The following VWA8 variants were observed in gnomAD, a reference collection of about 807,000 sequenced individuals.
VWA8 encodes the protein von Willebrand factor A domain-containing protein 8.
Under a neutral mutation model 241.5 loss-of-function variants are expected in VWA8, and 221 were observed. The observed-to-expected ratio is 0.91, with a 90% CI of 0.82 to 1.02. The LOEUF (loss-of-function observed/expected upper bound fraction) is 1.02. Ranked by LOEUF, VWA8 falls within the 50% of genes least tolerant of loss-of-function variation. VWA8 has a pLI of 0.00. For synonymous variants in VWA8, 852 were observed against 827.1 expected (o/e 1.03, Z -0.52); for missense variants, 2,322 against 2,328.7 (o/e 1.00, Z 0.06).
chr13:41,616,366 T>G (rs1431647177), intron 37 of VWA8, among the ~76,000 whole-genome samples: 1 of 152,058 alleles, frequency 6.6e-6, no homozygotes, highest in Non-Finnish European at 1.5e-5. Flanking sequence ...TTCAGCATAC[T>G]CCAAGAAAAT....
intron 17 of VWA8, among the ~76,000 whole-genome samples, chr13:41,800,106 G>T (rs1432078385): frequency 6.6e-6 from 1 of 152,146 alleles, no homozygotes; most frequent in Non-Finnish European, 1.5e-5. Context: ...GTTATAACAT[G>T]TATCAATACT....
At chr13:41,888,285 TG>T (rs1214495910) in intron 5 of VWA8, among the ~76,000 whole-genome samples, 17 of 152,348 alleles carry the variant, frequency 1.1e-4, no homozygotes, top group Non-Finnish European at 1.0e-4. Flanking sequence ...TTTGTGTGAA[TG>T]CACATTTGTA....
At chr13:41,575,499 G>C (rs1385972518) in intron 43 of VWA8, among the ~76,000 whole-genome samples, 1 of 152,084 alleles carries the variant, frequency 6.6e-6, no homozygotes, top group Non-Finnish European at 1.5e-5. Flanking sequence ...AGGGGGCCCA[G>C]GTTGTAGAAT....
chr13:41,619,861 A>G (rs1239244385), intron 37 of VWA8, among the ~76,000 whole-genome samples: 3 of 152,066 alleles, frequency 2.0e-5, no homozygotes, highest in African/African-American at 7.2e-5. Context: ...ATGCTGCTGG[A>G]TTCAGTTTGC....
chr13:41,618,745 T>G (rs375814461), intron 37 of VWA8, among the ~76,000 whole-genome samples: 1 of 152,202 alleles, frequency 6.6e-6, no homozygotes, highest in African/African-American at 2.4e-5. Context: ...TTTCCCCATT[T>G]CTTGTTTTTG....
intron 18 of VWA8, 58 bp from the exon 19 acceptor site, chr13:41,783,959 G>C: frequency 7.7e-7 from 1 of 1,293,588 alleles, no homozygotes; most frequent in Non-Finnish European, 1.1e-6. Flanking sequence ...GAGATGCCAA[G>C]CCACCCAACA....
In VWA8 at chr13:41,862,471, T is replaced by C. The variant is rs187314284; in HGVS notation, c.1425+3265A>G. On this transcript the variant is annotated intron_variant, in intron 12 of 44. Transcript: ENST00000379310. Reference sequence around the variant, plus strand: ...AGACCTAATTAAACCAAAAAGCTTCTGTACAGCAAAAGGAGCTATCAGCAA... The same window carrying C: ...AGACCTAATTAAACCAAAAAGCTTCCGTACAGCAAAAGGAGCTATCAGCAA... Among the ~76,000 whole-genome samples the C allele has an allele frequency of 1.9e-4, 29 of 152,250 alleles. No individual in the cohort carries two copies. The East Asian group carries it at 5.2e-3, about 27-fold the overall frequency.
intron 34 of VWA8, among the ~76,000 whole-genome samples, chr13:41,688,610 CT>C (rs2045153043): frequency 6.6e-6 from 1 of 152,032 alleles, no homozygotes; most frequent in East Asian, 1.9e-4. Flanking sequence ...AACCTGGATG[CT>C]GCAAAGATAT....
intron 19 of VWA8, among the ~76,000 whole-genome samples, chr13:41,782,943 G>C (rs1868957268): frequency 1.3e-5 from 2 of 151,012 alleles, no homozygotes; most frequent in Admixed American, 1.3e-4. Flanking sequence ...TTTACAAGGA[G>C]AGAATTCTCT....
At chr13:41,903,507 G>A (rs750166772) in intron 4 of VWA8, among the ~76,000 whole-genome samples, 1 of 152,126 alleles carries the variant, frequency 6.6e-6, no homozygotes, top group East Asian at 1.9e-4. Flanking sequence ...ACAGCCTGGT[G>A]CGGCATGGTA....
At chr13:41,688,464 C>A (rs1364425543) in intron 34 of VWA8, among the ~76,000 whole-genome samples, 1 of 152,130 alleles carries the variant, frequency 6.6e-6, no homozygotes. Context: ...AATTTCCCCA[C>A]ATTTCCATCA....
intron 40 of VWA8, among the ~76,000 whole-genome samples, chr13:41,602,833 G>C (rs1195761208): frequency 6.6e-6 from 1 of 151,850 alleles, no homozygotes; most frequent in African/African-American, 2.4e-5. Context: ...AAAGCACCTA[G>C]TAGAATGCCT....
Position 41,719,709 on chromosome 13 carries a change from G to C in VWA8, c.2998C>G (p.Arg1000Gly), listed in dbSNP as rs1000451330. ...TAGGAATCAAAGTCAAACACATTTC[G>C]AACTACACTGGAGAGACCTTCAGTC... ...FPTEGLSSVV[R>G]NVFDFDSYNN... is the part of the protein sequence containing the mutation. The change falls in exon 26 of 45, where the codon CGA becomes GGA. Residue 1000 changes from arginine to glycine, a missense_variant. Arg to Gly is a moderately radical substitution (Grantham distance 125). Transcript: ENST00000379310. 6.2e-7 allele frequency: 1 copy of C among 1,612,728 alleles called. No homozygotes were observed. The highest frequency in any genetic ancestry group is 8.5e-7 in the Non-Finnish European group (1 of 1,179,292).
At chr13:41,697,600 G>A (rs563265029) in intron 29 of VWA8, among the ~76,000 whole-genome samples, 147 of 152,298 alleles carry the variant, frequency 9.7e-4, no homozygotes, top group African/African-American at 3.1e-3. Context: ...TTCTTACAAG[G>A]AGCGCACAAC....
chr13:41,944,920 G>A (rs1877782228), intron 2 of VWA8, among the ~76,000 whole-genome samples: 1 of 152,166 alleles, frequency 6.6e-6, no homozygotes, highest in South Asian at 2.1e-4. Flanking sequence ...TTTAAAGACA[G>A]AAACAAAAAC....
intron 37 of VWA8, among the ~76,000 whole-genome samples, chr13:41,646,226 A>C (rs908459950): frequency 3.3e-5 from 5 of 152,116 alleles, no homozygotes; most frequent in African/African-American, 1.2e-4. Context: ...TCTGCCTACC[A>C]AAGTGCTGGG....
At chr13:41,843,712 C>T (rs1019149530) in intron 12 of VWA8, among the ~76,000 whole-genome samples, 4 of 152,142 alleles carry the variant, frequency 2.6e-5, no homozygotes, top group African/African-American at 9.7e-5. Context: ...CTATGAACAC[C>T]TCTCTGCACA....
intron 12 of VWA8, among the ~76,000 whole-genome samples, chr13:41,836,174 T>C (rs758821154): frequency 7.2e-5 from 11 of 152,146 alleles, no homozygotes; most frequent in South Asian, 2.1e-4. Context: ...TGATGTGAGA[T>C]TGCAAAAGAT....
At chr13:41,867,932 A>T (rs762186136) in intron 10 of VWA8, among the ~76,000 whole-genome samples, 4 of 152,218 alleles carry the variant, frequency 2.6e-5, no homozygotes, top group Non-Finnish European at 5.9e-5. Context: ...GAGCTCTATG[A>T]CCAAATATTA....
Sources: allele counts gnomAD v4.1 joint callset (sites outside exome capture counted in the v4.1 genomes callset), GRCh38; gene constraint gnomAD v4.1.1; transcripts MANE v1.5; gene names NCBI Gene and HGNC (gene_info 2026-07-23, HGNC 2026-07-21).